Variants in ZNF532 observed in about 807,000 individuals in gnomAD.
ZNF532 encodes zinc finger protein 532.
Under a neutral mutation model 89.3 loss-of-function variants are expected in ZNF532, and 22 were observed. That is an observed-to-expected ratio of 0.25 (90% CI 0.18 to 0.35). ZNF532 has a LOEUF of 0.35. Among genes scored for constraint, ZNF532 ranks in the 10% least tolerant of loss-of-function variants. ZNF532 has a pLI of 1.00. For synonymous variants in ZNF532, 606 were observed against 649.6 expected, an observed-to-expected ratio of 0.93 and a Z score of 1.02; for missense variants, 1,132 against 1,643.4, an observed-to-expected ratio of 0.69 and a Z score of 5.38.
chr18:58,935,098 T>C (rs1603228004), intron 4 of ZNF532, among the ~76,000 whole-genome samples: 15 of 112,986 alleles, frequency 1.3e-4, no homozygotes, highest in Admixed American at 3.8e-4. Context: ...TCCTCCCCAC[T>C]CCTCCTCCTC....
rs1482927198 is a variant in ZNF532, at chr18:58,874,012, G to GTA, written c.-18+8434_-18+8435insAT. ...ATATATAAAGTGTTTAGCAGAATAT[G>GTA]TGGTGAGCCCTTCCTACAATCTTAG... On this transcript the variant is annotated intron_variant, in intron 2 of 9. Transcript: ENST00000591808. 5.3e-5 allele frequency among the ~76,000 whole-genome samples: 8 copies of GTA among 152,128 alleles called. No homozygotes were observed. In the East Asian group the frequency reaches 1.5e-3, roughly 29 times the overall value.
intron 5 of ZNF532, 110 bp downstream of exon 5, chr18:58,939,731 A>T: frequency 9.9e-7 from 1 of 1,012,004 alleles, no homozygotes; most frequent in Non-Finnish European, 1.4e-6. Flanking sequence ...AAAATTATGC[A>T]GCTATGCCAA....
intron 2 of ZNF532, among the ~76,000 whole-genome samples, chr18:58,872,872 G>C (rs1283745003): frequency 2.1e-5 from 3 of 144,774 alleles, no homozygotes; most frequent in Non-Finnish European, 3.0e-5. Flanking sequence ...GCTAATTTTT[G>C]TATTTTTAGT....
intron 2 of ZNF532, among the ~76,000 whole-genome samples, chr18:58,871,373 A>G (rs1263757222): frequency 6.6e-6 from 1 of 152,158 alleles, no homozygotes; most frequent in Non-Finnish European, 1.5e-5. Context: ...CACTATAGGC[A>G]TGCACCACCG....
At chr18:58,916,406 G>A (rs1207054228) in intron 2 of ZNF532, among the ~76,000 whole-genome samples, 1 of 152,180 alleles carries the variant, frequency 6.6e-6, no homozygotes, top group South Asian at 2.1e-4. Flanking sequence ...TTGTACGTCA[G>A]TATCCCTTTA....
At chr18:58,867,330 G>A (rs988072967) in intron 2 of ZNF532, among the ~76,000 whole-genome samples, 4 of 152,162 alleles carry the variant, frequency 2.6e-5, no homozygotes, top group Admixed American at 2.6e-4. Flanking sequence ...GAAGTCTCCT[G>A]AAGATAGCAT....
rs74409759 is a variant in ZNF532 at position 58,880,052 on chromosome 18, G to A, written c.-18+14473G>A. Among the ~76,000 whole-genome samples the A allele has an allele frequency of 2.6e-5, 4 of 152,262 alleles. No individual in the cohort carries two copies. In the East Asian group the frequency reaches 7.7e-4, roughly 29 times the overall value. ...TCCAAATAGAGGTTCTGAAAAAGAT[G>A]TTTTGGTGGAAGTGTGAAAAAAGAG... On this transcript the variant is annotated intron_variant, in intron 2 of 9. Coordinates refer to ENST00000591808, the MANE Select transcript of ZNF532 (RefSeq NM_001375912.1).
At chr18:58,961,467 A>G (rs2065339216) in intron 7 of ZNF532, among the ~76,000 whole-genome samples, 2 of 152,182 alleles carry the variant, frequency 1.3e-5, no homozygotes, top group Admixed American at 1.3e-4. Context: ...ACTGAAAAAA[A>G]GACTGGCGAG....
chr18:58,877,391 A>G (rs1245017592), intron 2 of ZNF532, among the ~76,000 whole-genome samples: 1 of 152,166 alleles, frequency 6.6e-6, no homozygotes, highest in African/African-American at 2.4e-5. Flanking sequence ...TCACTGTGTT[A>G]TATGTTTAAA....
chr18:58,980,036 T>TGAGA (rs902699678), intron 8 of ZNF532: 5 of 151,742 alleles, frequency 3.3e-5, no homozygotes, highest in African/African-American at 4.8e-5. Context: ...GCATGTCTCA[T>TGAGA]GAGAGAGAGA....
At chr18:58,971,673 G>T (rs867421466) in intron 7 of ZNF532, among the ~76,000 whole-genome samples, 2 of 152,156 alleles carry the variant, frequency 1.3e-5, no homozygotes, top group Admixed American at 6.5e-5. Context: ...AACTCCCTTG[G>T]TGAACGTGCT....
chr18:58,970,593 C>T (rs2066379367), intron 7 of ZNF532, among the ~76,000 whole-genome samples: 1 of 152,210 alleles, frequency 6.6e-6, no homozygotes, highest in Admixed American at 6.5e-5. Context: ...ACCTGTCAGC[C>T]CTCTTTCCAG....
intron 7 of ZNF532, among the ~76,000 whole-genome samples, chr18:58,966,419 G>A (rs1033841542): frequency 6.6e-6 from 1 of 151,804 alleles, no homozygotes; most frequent in African/African-American, 2.4e-5. Context: ...ATGTGTTTTA[G>A]CAAACCTGTT....
chr18:58,941,577 C>T (rs1019606920), intron 5 of ZNF532, among the ~76,000 whole-genome samples: 1 of 151,046 alleles, frequency 6.6e-6, no homozygotes, highest in Non-Finnish European at 1.5e-5. Flanking sequence ...ATCCTCCTGC[C>T]TCAGCCTTTC....
At chr18:58,964,044 T>C (rs561018808) in intron 7 of ZNF532, 14 of 152,296 alleles carry the variant, frequency 9.2e-5, no homozygotes, top group African/African-American at 3.4e-4. Flanking sequence ...ACTGAAATAC[T>C]GTCTAGTTTG....
At position 58,942,349 on chromosome 18, in the gene ZNF532, C is replaced by CCTCCCTCCCTCCCTTCCTT. The variant is rs1568383305; in HGVS notation, c.2705+2729_2705+2730insTCCCTCCCTCCCTTCCTTC. 2.5e-3 allele frequency among the ~76,000 whole-genome samples: 106 copies of CCTCCCTCCCTCCCTTCCTT among 43,166 alleles called. 1 individual carries two copies. Among genetic ancestry groups the CCTCCCTCCCTCCCTTCCTT allele is most frequent in the Middle Eastern group, 0.016 (1 of 64 alleles). 28.3% of individuals were successfully genotyped at this position (43,166 alleles called of 152,430 possible). On this transcript the variant is annotated intron_variant, in intron 5 of 9. Transcript: ENST00000591808. ...TCCCTCCCTCCCTCCCTCCCTCCCT[C>CCTCCCTCCCTCCCTTCCTT]CCTTCCTTCCTTCCTTCCTTCCTTC...
intron 2 of ZNF532, among the ~76,000 whole-genome samples, chr18:58,904,010 T>C (rs781781361): frequency 4.6e-5 from 7 of 152,160 alleles, no homozygotes; most frequent in Non-Finnish European, 1.0e-4. Context: ...CCCTTAGTAA[T>C]AATAGGTGGC....
At chr18:58,983,661 C>T (rs1027003311) in intron 9 of ZNF532, among the ~76,000 whole-genome samples, 1 of 152,060 alleles carries the variant, frequency 6.6e-6, no homozygotes, top group African/African-American at 2.4e-5. Context: ...GTCTGACATA[C>T]TGCATATTTT....
intron 7 of ZNF532, among the ~76,000 whole-genome samples, chr18:58,962,758 C>T (rs943092890): frequency 1.4e-4 from 22 of 152,162 alleles, no homozygotes; most frequent in African/African-American, 1.9e-4. Context: ...CCCACCACCA[C>T]GCCCGGCTAA....
Sources: gnomAD v4.1 joint callset for allele counts (sites outside exome capture counted in the v4.1 genomes callset) on GRCh38, gnomAD v4.1.1 for gene constraint, MANE v1.5 for transcripts, NCBI Gene and HGNC (gene_info 2026-07-23, HGNC 2026-07-21) for gene names.